The following DCDC1 variants were observed in gnomAD, a reference collection of about 807,000 sequenced individuals.
DCDC1 encodes the protein doublecortin domain-containing protein 1.
A neutral mutation model predicts 178.3 loss-of-function variants in DCDC1; 200 were observed. The observed-to-expected ratio is 1.12, with a 90% CI of 1.00 to 1.26. The LOEUF is 1.26. Among genes scored for constraint, DCDC1 ranks in the 50% most tolerant of loss-of-function variants. The probability of loss-of-function intolerance (pLI) is 0.00; values close to 1 mark genes in which losing one functional copy is unlikely to be tolerated. For missense variants in DCDC1, 1,983 were observed against 1,749.2 expected (o/e 1.13, Z -2.38); for synonymous variants, 690 against 604.8 (o/e 1.14, Z -2.07).
chr11:31,007,832 T>C (rs1181598363), intron 20 of DCDC1, among the ~76,000 whole-genome samples: 1 of 152,038 alleles, frequency 6.6e-6, no homozygotes, highest in Non-Finnish European at 1.5e-5. Flanking sequence ...CCAGCTAATT[T>C]TTGTATTTTT....
At chr11:31,035,774 A>G (rs559420844) in intron 20 of DCDC1, among the ~76,000 whole-genome samples, 1 of 152,262 alleles carries the variant, frequency 6.6e-6, no homozygotes, top group Non-Finnish European at 1.5e-5. Context: ...GATCTTGCTT[A>G]CAGCAATTAT....
At chr11:30,948,806 A>C (rs1948222860) in intron 21 of DCDC1, among the ~76,000 whole-genome samples, 1 of 152,214 alleles carries the variant, frequency 6.6e-6, no homozygotes, top group Non-Finnish European at 1.5e-5. Context: ...AGCAATATGC[A>C]GAAAATTGAA....
At chr11:31,261,399 T>C (rs1944772130) in intron 8 of DCDC1, among the ~76,000 whole-genome samples, 1 of 152,188 alleles carries the variant, frequency 6.6e-6, no homozygotes, top group East Asian at 1.9e-4. Flanking sequence ...CACAATGTAT[T>C]GTTTATGCAT....
chr11:31,171,205 C>T (rs1967187542), intron 9 of DCDC1, among the ~76,000 whole-genome samples: 1 of 152,094 alleles, frequency 6.6e-6, no homozygotes, highest in Admixed American at 6.6e-5. Context: ...CCACAGGATC[C>T]ATCACTGGAA....
intron 1 of DCDC1, among the ~76,000 whole-genome samples, chr11:31,348,870 T>A (rs1950936463): frequency 6.6e-6 from 1 of 152,224 alleles, no homozygotes; most frequent in African/African-American, 2.4e-5. Context: ...GTAAATCACA[T>A]ATATACACCT....
At chr11:30,923,620 A>AATTATT (rs1017247668) in intron 23 of DCDC1, among the ~76,000 whole-genome samples, 1 of 144,686 alleles carries the variant, frequency 6.9e-6, no homozygotes. Context: ...TAATAATAAT[A>AATTATT]ATTATTATTA....
intron 7 of DCDC1, among the ~76,000 whole-genome samples, chr11:31,267,568 A>G (rs970220020): frequency 6.6e-6 from 1 of 152,198 alleles, no homozygotes; most frequent in Non-Finnish European, 1.5e-5. Flanking sequence ...TTAAATAAAA[A>G]AGTACTTGCA....
intron 3 of DCDC1, among the ~76,000 whole-genome samples, chr11:31,309,770 A>G (rs1372984811): frequency 1.3e-5 from 2 of 152,200 alleles, no homozygotes; most frequent in Non-Finnish European, 2.9e-5. Flanking sequence ...TTCTACCACC[A>G]CAAGGCAAAA....
intron 4 of DCDC1, among the ~76,000 whole-genome samples, chr11:31,307,158 G>A (rs1028378570): frequency 1.3e-5 from 2 of 151,918 alleles, no homozygotes; most frequent in African/African-American, 2.4e-5. Flanking sequence ...GAAAATAGTG[G>A]GGTATTAGTT....
chr11:31,071,736 G>GT (rs1157237372), intron 18 of DCDC1, among the ~76,000 whole-genome samples: 4 of 152,280 alleles, frequency 2.6e-5, no homozygotes, highest in Non-Finnish European at 5.9e-5. Context: ...CCGAGATGAG[G>GT]TTATAAGGGG....
intron 31 of DCDC1, 100 bp from the exon 32 acceptor site, chr11:30,903,783 T>A (rs1268407784): frequency 1.9e-6 from 2 of 1,056,838 alleles, no homozygotes; most frequent in Non-Finnish European, 2.5e-6. Context: ...AAAAAAATAA[T>A]TGAATTTGAG....
chr11:30,990,916 A>C (rs1950940352), intron 20 of DCDC1, among the ~76,000 whole-genome samples: 1 of 152,220 alleles, frequency 6.6e-6, no homozygotes, highest in Non-Finnish European at 1.5e-5. Flanking sequence ...TTTCCAGGCC[A>C]GTAGCCTTGA....
At chr11:31,356,064 C>T (rs759002439) in intron 1 of DCDC1, among the ~76,000 whole-genome samples, 1 of 152,090 alleles carries the variant, frequency 6.6e-6, no homozygotes, top group Non-Finnish European at 1.5e-5. Flanking sequence ...CTTTTCTTCC[C>T]CTCTTACCTT....
At chr11:31,164,927 C>T (rs1320212228) in intron 9 of DCDC1, among the ~76,000 whole-genome samples, 1 of 152,092 alleles carries the variant, frequency 6.6e-6, no homozygotes, top group African/African-American at 2.4e-5. Context: ...TACAGCTGTG[C>T]CATTTTAAAC....
chr11:31,344,118 G>A (rs138692660), intron 1 of DCDC1, among the ~76,000 whole-genome samples: 1,557 of 152,152 alleles, frequency 0.01, 67 homozygotes, highest in Admixed American at 0.081. Context: ...ATACAAGACT[G>A]TAACAGGGTT....
intron 17 of DCDC1, among the ~76,000 whole-genome samples, chr11:31,086,586 T>C (rs997728130): frequency 2.0e-5 from 3 of 152,178 alleles, no homozygotes; most frequent in African/African-American, 7.2e-5. Context: ...TTTTTGTGGA[T>C]CATGCTTTTG....
intron 22 of DCDC1, among the ~76,000 whole-genome samples, chr11:30,926,113 A>C (rs1946572309): frequency 1.3e-5 from 2 of 152,186 alleles, no homozygotes; most frequent in Admixed American, 1.3e-4. Flanking sequence ...ATGAAGTCGT[A>C]GGTGCTGCCA....
chr11:31,302,791 A>T (rs1385610211), intron 6 of DCDC1, among the ~76,000 whole-genome samples: 1 of 152,098 alleles, frequency 6.6e-6, no homozygotes, highest in Non-Finnish European at 1.5e-5. Flanking sequence ...AATATCAGAG[A>T]TGTTCTATAG....
chr11:31,160,776 TA>T (rs1209268056), intron 9 of DCDC1, among the ~76,000 whole-genome samples: 1 of 152,176 alleles, frequency 6.6e-6, no homozygotes, highest in Non-Finnish European at 1.5e-5. Context: ...GTGAAACATT[TA>T]AAAAATGCTT....
Sources: gnomAD v4.1 joint callset for allele counts (sites outside exome capture counted in the v4.1 genomes callset) on GRCh38, gnomAD v4.1.1 for gene constraint, MANE v1.5 for transcripts, NCBI Gene and HGNC (gene_info 2026-07-23, HGNC 2026-07-21) for gene names.